The following PMM1 variants were observed in gnomAD, a reference collection of about 807,000 sequenced individuals.
The protein encoded by PMM1 is brain glucose-1,6-bisphosphatase.
A neutral mutation model predicts 34.0 loss-of-function variants in PMM1; 25 were observed. The ratio of observed to expected loss-of-function variants is 0.73; its 90% confidence interval spans 0.54 to 1.03. The LOEUF (loss-of-function observed/expected upper bound fraction) is 1.03. Ranked by LOEUF, PMM1 falls within the 50% of genes least tolerant of loss-of-function variation. PMM1 has a pLI of 0.00. For missense variants in PMM1, 321 were observed against 350.1 expected (o/e 0.92, Z 0.66); for synonymous variants, 134 against 143.9 (o/e 0.93, Z 0.49).
Position 41,577,247 on chromosome 22 carries a change from C to CA in PMM1, c.*70dup, listed in dbSNP as rs748769457. The CA allele has an allele frequency of 3.8e-6, 6 of 1,596,604 alleles. No homozygotes were observed. The Admixed American group carries it at 1.0e-4, about 27-fold the overall frequency. On this transcript the variant is annotated 3_prime_UTR_variant, in exon 8 of 8. Transcript: ENST00000216259. ...CAGAGGAGGGGCCCTGGCATCTATC[C>CA]AACACCAGGACCTCTCTTTAGGCCT...
chr22:41,577,944 T>A, intron 6 of PMM1, 21 bp from the exon 7 acceptor site: 1 of 1,555,632 alleles, frequency 6.4e-7, no homozygotes, highest in Non-Finnish European at 8.9e-7. Flanking sequence ...GGGTGGGGAC[T>A]GTTATTCCCT....
At chr22:41,588,983 G>T in intron 1 of PMM1, 1 of 1,146,298 alleles carries the variant, frequency 8.7e-7, no homozygotes, top group Non-Finnish European at 1.2e-6. Context: ...AGACCCAATG[G>T]GAGAAAAACT....
At chr22:41,583,871 C>A (rs2067274391) in intron 5 of PMM1, 88 bp downstream of exon 5, 10 of 853,116 alleles carry the variant, frequency 1.2e-5, no homozygotes, top group Non-Finnish European at 2.0e-5. Flanking sequence ...ACACATCCCC[C>A]AGTCTATTTT....
intron 6 of PMM1, among the ~76,000 whole-genome samples, chr22:41,578,535 G>C (rs1397771829): frequency 1.3e-5 from 2 of 152,160 alleles, no homozygotes; most frequent in East Asian, 1.9e-4. Flanking sequence ...GGGAAGGGGT[G>C]GGGGAGAGCA....
chr22:41,577,929 G>A lies in PMM1; in HGVS notation c.551-6C>T, dbSNP rs756127755. On this transcript the variant is annotated splice_polypyrimidine_tract_variant and splice_region_variant and intron_variant, in intron 6 of 7. Coordinates refer to ENST00000216259, the MANE Select transcript of PMM1 (RefSeq NM_002676.3). The stretch of plus-strand genomic sequence containing the variant: ...GTCAAAGCTGATCATGCCTCCTGTG[G>A]GCAGGGGTGGGGACTGTTATTCCCT... The A allele has an allele frequency of 1.2e-6, 2 of 1,603,026 alleles. No individual in the cohort carries two copies. The highest frequency in any genetic ancestry group is 1.7e-6 in the Non-Finnish European group (2 of 1,170,622).
chr22:41,577,003 G>C lies in PMM1; in HGVS notation c.*315C>G, dbSNP rs997854626. The C allele has an allele frequency of 4.7e-6, 2 of 426,740 alleles. No individual in the cohort carries two copies. Among genetic ancestry groups the C allele is most frequent in the East Asian group, 5.1e-5 (1 of 19,626 alleles). 26.4% of individuals were successfully genotyped at this position (426,740 alleles called of 1,614,324 possible). On this transcript the variant is annotated 3_prime_UTR_variant, in exon 8 of 8. Transcript: ENST00000216259. ...AGGCAGGCAGGGCAGGCTAGATCTC[G>C]TACCGATACTTGAGCACGCCTCCTC...
chr22:41,587,577 C>A (rs964578397), intron 1 of PMM1, among the ~76,000 whole-genome samples: 39 of 152,206 alleles, frequency 2.6e-4, no homozygotes, highest in Non-Finnish European at 2.9e-5. Flanking sequence ...GCTGTGATAG[C>A]GCCACTGCAC....
At chr22:41,586,260 C>T in intron 1 of PMM1, 67 bp from the exon 2 acceptor site, 2 of 1,591,166 alleles carry the variant, frequency 1.3e-6, no homozygotes, top group Non-Finnish European at 1.7e-6. Flanking sequence ...ACTTAGCCCT[C>T]ACTTAGTGCT....
At chr22:41,586,602 G>A (rs1234398083) in intron 1 of PMM1, among the ~76,000 whole-genome samples, 1 of 151,798 alleles carries the variant, frequency 6.6e-6, no homozygotes, top group Non-Finnish European at 1.5e-5. Context: ...TCTGCCTCCC[G>A]GGTTCAAGCG....
chr22:41,577,812 C>G lies in PMM1; in HGVS notation c.662G>C (p.Ser221Thr), dbSNP rs149137790. 1.2e-6 allele frequency: 2 copies of G among 1,611,464 alleles called. No homozygotes were observed. The highest frequency in any genetic ancestry group is 2.7e-5 in the African/African-American group (2 of 74,880). The part of the protein sequence containing the change: ...DTIHFFGNET[S>T]PGGNDFEIFA... ...CCTGGGGTGGGCCACACTCACAGGGCTAGTCTCGTTCCCAAAGAAGTGGAT... is the reference window on the plus strand; with the variant it reads ...CCTGGGGTGGGCCACACTCACAGGGGTAGTCTCGTTCCCAAAGAAGTGGAT... The change falls in exon 7 of 8, where the codon AGC becomes ACC. Residue 221 changes from serine (S) to threonine (T), a missense_variant. By Grantham distance (58) the Ser-to-Thr change is moderately conservative (BLOSUM62 1). Transcript: ENST00000216259.
At chr22:41,581,165 A>G (rs1437335559) in intron 5 of PMM1, among the ~76,000 whole-genome samples, 1 of 151,104 alleles carries the variant, frequency 6.6e-6, no homozygotes, top group Non-Finnish European at 1.5e-5. Context: ...CAAAACCAAA[A>G]CCAAAAAACT....
intron 1 of PMM1, chr22:41,589,180 A>G (rs563730116): frequency 8.1e-7 from 1 of 1,236,228 alleles, no homozygotes; most frequent in African/African-American, 1.5e-5. Context: ...GTGGAAGGTA[A>G]AGTGGGTGAT....
chr22:41,578,738 G>T, intron 6 of PMM1, 68 bp downstream of exon 6: 1 of 1,350,692 alleles, frequency 7.4e-7, no homozygotes, highest in Non-Finnish European at 1.1e-6. Context: ...CCTGGTCTTG[G>T]CAGGGGCAGA....
At chr22:41,584,893 T>C in intron 2 of PMM1, 1 of 362,568 alleles carries the variant, frequency 2.8e-6, no homozygotes, top group Non-Finnish European at 5.1e-6. Flanking sequence ...AAGATTCAGC[T>C]TCCTCCTCTG....
At position 41,586,174 on chromosome 22, in the gene PMM1, G is replaced by T; in HGVS notation, c.107C>A (p.Ala36Asp). ...PARQKIDPEVAAFLQKLRSRV... is the reference protein window; with the variant it reads ...PARQKIDPEVDAFLQKLRSRV... ...ACTTCGTAGCTTCTGCAGGAAGGCG[G>T]CCACCTCAGGGTCAATTTTCTATGG... Residue 36 changes from alanine (A) to aspartate (D), a missense_variant, in exon 2 of 8, where the codon GCC becomes GAC. Ala to Asp is a moderately radical substitution (Grantham distance 126). Transcript: ENST00000216259. The T allele has an allele frequency of 6.2e-7, 1 of 1,610,616 alleles. No individual in the cohort carries two copies. The highest frequency in any genetic ancestry group is 8.5e-7 in the Non-Finnish European group (1 of 1,179,650).
Position 41,589,780 on chromosome 22 carries a change from C to T in PMM1, c.26G>A (p.Arg9His), listed in dbSNP as rs1336600204. 3 of 1,609,176 alleles carry T rather than the reference C, an allele frequency of 1.9e-6. No homozygotes were observed. Among genetic ancestry groups the T allele is most frequent in the Non-Finnish European group, 2.5e-6 (3 of 1,178,492 alleles). The stretch of plus-strand genomic sequence containing the variant: ...CAGGCAGAGGACGCGCTCCTTCCTG[C>T]GGGCTGCCTGGGCGGTGACTGCCAT... MAVTAQAA[R>H]RKERVLCLFD... The change falls in exon 1 of 8, where the codon CGC becomes CAC. Residue 9 changes from arginine (R) to histidine (H), a missense_variant. Transcript: ENST00000216259.
intron 1 of PMM1, chr22:41,586,442 A>C: frequency 1.7e-6 from 1 of 585,716 alleles, no homozygotes; most frequent in South Asian, 3.1e-5. Flanking sequence ...TAGGCAGCAA[A>C]GGAAGACATT....
At chr22:41,581,249 A>C (rs6002411) in intron 5 of PMM1, among the ~76,000 whole-genome samples, 2 of 151,606 alleles carry the variant, frequency 1.3e-5, no homozygotes, top group Admixed American at 1.3e-4. Context: ...GCTTGAGCCT[A>C]GGCAGCGAAG....
At chr22:41,586,955 TAAAAATTAAAAA>T (rs2067315037) in intron 1 of PMM1, among the ~76,000 whole-genome samples, 1 of 110,206 alleles carries the variant, frequency 9.1e-6, no homozygotes, top group Admixed American at 1.2e-4. Context: ...CTGTTTCTAC[TAAAAATTAAAAA>T]AAAAAAAAAA....
Sources: gnomAD v4.1 joint callset for allele counts (sites outside exome capture counted in the v4.1 genomes callset) on GRCh38, gnomAD v4.1.1 for gene constraint, MANE v1.5 for transcripts, NCBI Gene and HGNC (gene_info 2026-07-23, HGNC 2026-07-21) for gene names.